SH3GL2: variants seen among roughly 807,000 people sequenced by gnomAD.
The protein encoded by SH3GL2 is SH3 domain containing GRB2 like 2, endophilin A1.
SH3GL2 carries 24 observed loss-of-function variants against 46.0 expected under a neutral mutation model. That is an observed-to-expected ratio of 0.52 (90% CI 0.38 to 0.73). The LOEUF is 0.73. SH3GL2 is among the 30% of genes least tolerant of loss of function. The pLI is 0.00. For synonymous variants in SH3GL2, 196 were observed against 147.1 expected (o/e 1.33, Z -2.40); for missense variants, 413 against 424.2 (o/e 0.97, Z 0.23).
chr9:17,734,241 C>T (rs1479378727), intron 1 of SH3GL2, among the ~76,000 whole-genome samples: 1 of 152,120 alleles, frequency 6.6e-6, no homozygotes. Flanking sequence ...TTTGTTTCCT[C>T]ATTCAGCCAC....
chr9:17,692,226 G>T (rs557424479), intron 1 of SH3GL2, among the ~76,000 whole-genome samples: 23 of 151,714 alleles, frequency 1.5e-4, no homozygotes, highest in Admixed American at 1.2e-3. Flanking sequence ...TGCAGAATAT[G>T]CTTATCTGAG....
At chr9:17,711,131 G>C (rs1821610016) in intron 1 of SH3GL2, among the ~76,000 whole-genome samples, 1 of 151,854 alleles carries the variant, frequency 6.6e-6, no homozygotes, top group Non-Finnish European at 1.5e-5. Context: ...GCTAACTCAT[G>C]TAAGGTGCTT....
chr9:17,733,797 A>T (rs1822250851), intron 1 of SH3GL2, among the ~76,000 whole-genome samples: 1 of 152,114 alleles, frequency 6.6e-6, no homozygotes, highest in South Asian at 2.1e-4. Flanking sequence ...GCTATAAAAA[A>T]TGATGAGTTC....
intron 1 of SH3GL2, among the ~76,000 whole-genome samples, chr9:17,586,400 T>C (rs1302912277): frequency 6.6e-6 from 1 of 152,126 alleles, no homozygotes; most frequent in African/African-American, 2.4e-5. Flanking sequence ...AAAATAGAAA[T>C]ATCTTTTTTA....
chr9:17,608,080 A>G (rs901110096), intron 1 of SH3GL2, among the ~76,000 whole-genome samples: 6 of 151,934 alleles, frequency 3.9e-5, no homozygotes, highest in Admixed American at 6.6e-5. Context: ...GTATATATAA[A>G]CAAGTGAGGA....
At chr9:17,790,389 G>C (rs1364778172) in intron 6 of SH3GL2, 1 of 976,412 alleles carries the variant, frequency 1.0e-6, no homozygotes, top group Non-Finnish European at 1.2e-6. Flanking sequence ...CCATCACATT[G>C]CCTACTTGCC....
chr9:17,679,001 T>A (rs180958106), intron 1 of SH3GL2, among the ~76,000 whole-genome samples: 42 of 152,330 alleles, frequency 2.8e-4, no homozygotes, highest in African/African-American at 9.9e-4. Flanking sequence ...ATCTCTATTT[T>A]GGTACCAGTA....
rs73424549 is a variant in SH3GL2 at position 17,775,326 on chromosome 9, A to G, written c.188-11055A>G. ...TTTTTAGCTGTTGGTTGCCATTTCA[A>G]CGAAATAGCCGTCAACTGTAATTTT... On this transcript the variant is annotated intron_variant, in intron 3 of 8. Coordinates refer to ENST00000380607, the MANE Select transcript of SH3GL2 (RefSeq NM_003026.5). Among the ~76,000 whole-genome samples the G allele has an allele frequency of 4.8e-3, 733 of 152,292 alleles. 9 individuals carry two copies. Among genetic ancestry groups the G allele is most frequent in the African/African-American group, 0.017 (705 of 41,564 alleles).
At chr9:17,758,389 C>A (rs9406696) in intron 2 of SH3GL2, among the ~76,000 whole-genome samples, 6 of 151,494 alleles carry the variant, frequency 4.0e-5, no homozygotes, top group Middle Eastern at 6.8e-3. Flanking sequence ...GGCAAAACCC[C>A]GTCTCTACCA....
At chr9:17,668,554 A>G (rs777695484) in intron 1 of SH3GL2, among the ~76,000 whole-genome samples, 22 of 152,214 alleles carry the variant, frequency 1.4e-4, no homozygotes, top group Non-Finnish European at 2.6e-4. Flanking sequence ...TGAGCTAAAG[A>G]AAGTTTTTTC....
At chr9:17,669,534 T>G (rs1001755677) in intron 1 of SH3GL2, among the ~76,000 whole-genome samples, 5 of 152,204 alleles carry the variant, frequency 3.3e-5, no homozygotes, top group African/African-American at 1.2e-4. Context: ...TATACAATCC[T>G]TAGGGATTGG....
At chr9:17,738,055 A>G (rs761890304) in intron 1 of SH3GL2, among the ~76,000 whole-genome samples, 2 of 152,088 alleles carry the variant, frequency 1.3e-5, no homozygotes, top group African/African-American at 4.8e-5. Flanking sequence ...ACACCATTGT[A>G]TTGAAATGAT....
At chr9:17,619,784 A>G (rs902435130) in intron 1 of SH3GL2, among the ~76,000 whole-genome samples, 2 of 152,256 alleles carry the variant, frequency 1.3e-5, no homozygotes, top group South Asian at 4.1e-4. Flanking sequence ...GAAAATTGAC[A>G]TGGACACATT....
chr9:17,599,977 A>T (rs1818639988), intron 1 of SH3GL2, among the ~76,000 whole-genome samples: 2 of 151,284 alleles, frequency 1.3e-5, no homozygotes, highest in South Asian at 4.2e-4. Context: ...TATTTTGCTT[A>T]TGAAATATAA....
intron 5 of SH3GL2, 52 bp downstream of exon 5, chr9:17,787,565 A>G (rs149426375): frequency 4.7e-6 from 7 of 1,487,044 alleles, no homozygotes; most frequent in South Asian, 1.2e-5. Context: ...ATACAGATGC[A>G]GATGCCTTTT....
At chr9:17,715,193 T>TC (rs1260448067) in intron 1 of SH3GL2, among the ~76,000 whole-genome samples, 1 of 150,744 alleles carries the variant, frequency 6.6e-6, no homozygotes, top group Non-Finnish European at 1.5e-5. Flanking sequence ...TTCTTTCTTT[T>TC]CTTTTTTTTT....
chr9:17,674,526 A>C (rs1339223354), intron 1 of SH3GL2, among the ~76,000 whole-genome samples: 1 of 152,172 alleles, frequency 6.6e-6, no homozygotes, highest in Non-Finnish European at 1.5e-5. Flanking sequence ...TTGGCCTCCC[A>C]AAGTGCTGGG....
Position 17,668,687 on chromosome 9 carries a change from C to T in SH3GL2, c.46-78379C>T, listed in dbSNP as rs1588219883. Among the ~76,000 whole-genome samples, 5 of 152,156 alleles carry T rather than the reference C, an allele frequency of 3.3e-5. No homozygotes were observed. The Middle Eastern group carries it at 0.014, about 417-fold the overall frequency. Reference sequence around the variant, plus strand: ...TTTTATTACTTTAGAAGCAGGGTCTCATTTTGTTGCCCAGGCTGGAGTGCA... The same window carrying T: ...TTTTATTACTTTAGAAGCAGGGTCTTATTTTGTTGCCCAGGCTGGAGTGCA... On this transcript the variant is annotated intron_variant, in intron 1 of 8. Transcript: ENST00000380607.
At chr9:17,754,621 C>T (rs528900918) in intron 2 of SH3GL2, among the ~76,000 whole-genome samples, 91 of 152,110 alleles carry the variant, frequency 6.0e-4, no homozygotes, top group African/African-American at 2.0e-3. Flanking sequence ...TGCAGTGAGC[C>T]GAGATCACGC....
Sources: allele counts gnomAD v4.1 joint callset (sites outside exome capture counted in the v4.1 genomes callset), GRCh38; gene constraint gnomAD v4.1.1; transcripts MANE v1.5; gene names NCBI Gene and HGNC (gene_info 2026-07-23, HGNC 2026-07-21).